The following VPS13B variants were observed in gnomAD, a reference collection of about 807,000 sequenced individuals.
VPS13B encodes intermembrane lipid transfer protein VPS13B.
A neutral mutation model predicts 426.4 loss-of-function variants in VPS13B; 285 were observed. The ratio of observed to expected loss-of-function variants is 0.67; its 90% CI spans 0.61 to 0.74. The LOEUF is 0.74. Ranked by LOEUF, VPS13B falls within the 30% of genes least tolerant of loss-of-function variation. The probability of loss-of-function intolerance (pLI) is 0.00; values close to 1 mark genes in which losing one functional copy is unlikely to be tolerated. For missense variants in VPS13B, 4,537 were observed against 4,782.6 expected (o/e 0.95, Z 1.51); for synonymous variants, 1,676 against 1,676.4 (o/e 1.00, Z 0.01).
At chr8:99,584,584 G>T (rs1826218781) in intron 33 of VPS13B, among the ~76,000 whole-genome samples, 1 of 152,130 alleles carries the variant, frequency 6.6e-6, no homozygotes, top group African/African-American at 2.4e-5. Flanking sequence ...TTTATAATCT[G>T]GTTGGGAAGT....
chr8:99,500,342 G>T (rs148718657), intron 25 of VPS13B, among the ~76,000 whole-genome samples: 1 of 152,204 alleles, frequency 6.6e-6, no homozygotes, highest in East Asian at 1.9e-4. Flanking sequence ...ATGAGAAAAT[G>T]AGAATTCTAT....
intron 8 of VPS13B, 186 bp downstream of exon 8, chr8:99,121,631 C>A (rs1212242957): frequency 2.7e-5 from 38 of 1,403,506 alleles, no homozygotes; most frequent in Non-Finnish European, 3.4e-5. Flanking sequence ...TGATCCCTTC[C>A]TGTCTTCTTA....
chr8:99,838,789 A>T (rs1815523264), intron 54 of VPS13B, among the ~76,000 whole-genome samples: 1 of 152,188 alleles, frequency 6.6e-6, no homozygotes, highest in African/African-American at 2.4e-5. Context: ...GGTGTCTCTT[A>T]CTGAGAGACC....
intron 30 of VPS13B, among the ~76,000 whole-genome samples, chr8:99,553,323 C>T (rs1377295501): frequency 6.6e-6 from 1 of 152,052 alleles, no homozygotes; most frequent in Non-Finnish European, 1.5e-5. Context: ...CCAGGAGGTT[C>T]ATTCAGAGTT....
At chr8:99,531,517 A>G (rs1055018391) in intron 30 of VPS13B, among the ~76,000 whole-genome samples, 2 of 152,176 alleles carry the variant, frequency 1.3e-5, no homozygotes, top group African/African-American at 2.4e-5. Flanking sequence ...TCTCAAAATT[A>G]TGAAAGAAAA....
At chr8:99,824,026 A>C in intron 51 of VPS13B, 48 bp downstream of exon 51, 3 of 1,594,058 alleles carry the variant, frequency 1.9e-6, no homozygotes, top group Non-Finnish European at 2.6e-6. Flanking sequence ...ATAAAGAAAC[A>C]ATAAATAGGA....
chr8:99,811,253 C>T (rs181934090), intron 44 of VPS13B, among the ~76,000 whole-genome samples: 161 of 152,272 alleles, frequency 1.1e-3, no homozygotes, highest in Non-Finnish European at 2.1e-3. Context: ...TTCACCATTC[C>T]ACCACCTTTC....
intron 19 of VPS13B, among the ~76,000 whole-genome samples, chr8:99,280,444 A>C (rs1257235370): frequency 6.6e-6 from 1 of 152,232 alleles, no homozygotes; most frequent in Non-Finnish European, 1.5e-5. Flanking sequence ...GGGCAGAATT[A>C]ATCACTGGCT....
intron 42 of VPS13B, among the ~76,000 whole-genome samples, chr8:99,781,400 C>G (rs1373093519): frequency 6.6e-6 from 1 of 152,118 alleles, no homozygotes; most frequent in African/African-American, 2.4e-5. Context: ...GCTTGTATGA[C>G]ACTCCATGAA....
At chr8:99,039,619 T>C (rs1249416337) in intron 3 of VPS13B, among the ~76,000 whole-genome samples, 3 of 151,926 alleles carry the variant, frequency 2.0e-5, no homozygotes, top group Non-Finnish European at 2.9e-5. Context: ...ATCAAGTAAA[T>C]TGATAAGTAT....
At chr8:99,269,369 A>G (rs371821879) in intron 17 of VPS13B, among the ~76,000 whole-genome samples, 1 of 152,326 alleles carries the variant, frequency 6.6e-6, no homozygotes, top group East Asian at 1.9e-4. Context: ...GAATAGGTGA[A>G]TACTTTATAA....
intron 43 of VPS13B, among the ~76,000 whole-genome samples, chr8:99,806,233 T>C (rs921400348): frequency 3.3e-5 from 5 of 152,220 alleles, no homozygotes; most frequent in Admixed American, 1.3e-4. Context: ...TTTAACCTTA[T>C]CCTCCAACCC....
intron 55 of VPS13B, among the ~76,000 whole-genome samples, chr8:99,851,139 T>C (rs13264726): frequency 0.13 from 20,077 of 152,178 alleles, 1,358 homozygotes; most frequent in Non-Finnish European, 0.14. Flanking sequence ...AAATTTCGGG[T>C]TTATTCAACA....
chr8:99,723,695 G>A (rs1833220064), intron 39 of VPS13B, among the ~76,000 whole-genome samples: 1 of 152,118 alleles, frequency 6.6e-6, no homozygotes, highest in African/African-American at 2.4e-5. Context: ...AGTAGCCTTG[G>A]CATATAAGCA....
intron 3 of VPS13B, among the ~76,000 whole-genome samples, chr8:99,050,889 C>A (rs914232960): frequency 2.6e-5 from 4 of 151,866 alleles, no homozygotes; most frequent in African/African-American, 9.7e-5. Flanking sequence ...TTGTTTTTTT[C>A]TTGTATATTT....
At chr8:99,065,506 C>T (rs930889656) in intron 3 of VPS13B, among the ~76,000 whole-genome samples, 11 of 151,822 alleles carry the variant, frequency 7.2e-5, no homozygotes, top group African/African-American at 1.9e-4. Context: ...ATTGATGGAA[C>T]GTATCTCAAG....
chr8:99,522,487 T>A (rs369020945), intron 30 of VPS13B, among the ~76,000 whole-genome samples: 133 of 152,334 alleles, frequency 8.7e-4, no homozygotes, highest in African/African-American at 3.0e-3. Flanking sequence ...CTTCTGTCTG[T>A]CTTGCAACTT....
At chr8:99,187,388 A>C (rs1813279297) in intron 16 of VPS13B, among the ~76,000 whole-genome samples, 1 of 152,162 alleles carries the variant, frequency 6.6e-6, no homozygotes, top group African/African-American at 2.4e-5. Flanking sequence ...AATAAGGATA[A>C]TTACATTCAG....
At chr8:99,114,991 AG>A (rs1246168952) in intron 6 of VPS13B, among the ~76,000 whole-genome samples, 1 of 152,128 alleles carries the variant, frequency 6.6e-6, no homozygotes, top group African/African-American at 2.4e-5. Context: ...ATTTGCTAGT[AG>A]TTAATCTTAT....
Sources: gnomAD v4.1 joint callset for allele counts (sites outside exome capture counted in the v4.1 genomes callset) on GRCh38, gnomAD v4.1.1 for gene constraint, MANE v1.5 for transcripts, NCBI Gene and HGNC (gene_info 2026-07-23, HGNC 2026-07-21) for gene names.